The following ASL variants were observed in gnomAD, a reference collection of about 807,000 sequenced individuals.
ASL encodes argininosuccinase.
ASL carries 51 observed loss-of-function variants against 69.1 expected under a neutral mutation model. The ratio of observed to expected loss-of-function variants is 0.74; its 90% confidence interval spans 0.59 to 0.93. The LOEUF is 0.93. Among genes scored for constraint, ASL ranks in the 40% least tolerant of loss-of-function variants. ASL has a pLI of 0.00. For synonymous variants in ASL, 241 were observed against 247.6 expected (o/e 0.97, Z 0.25); for missense variants, 540 against 623.9 (o/e 0.87, Z 1.43).
intron 9 of ASL, 117 bp downstream of exon 9, chr7:66,087,503 A>G (rs991968140): frequency 4.5e-6 from 6 of 1,329,790 alleles, no homozygotes; most frequent in Middle Eastern, 1.8e-4. Flanking sequence ...ACCTTCATTC[A>G]TTGCCTATGG....
chr7:66,089,413 G>A (rs1786777175), intron 13 of ASL, 78 bp downstream of exon 13: 14 of 1,535,660 alleles, frequency 9.1e-6, no homozygotes, highest in East Asian at 2.4e-5. Context: ...CCCCACCCCG[G>A]GATTGCCATA....
chr7:66,078,222 T>A (rs1335317300), intron 2 of ASL, among the ~76,000 whole-genome samples: 1 of 152,152 alleles, frequency 6.6e-6, no homozygotes, highest in Non-Finnish European at 1.5e-5. Context: ...CAATTCTGAC[T>A]GGCTGGCTCC....
chr7:66,078,376 G>T (rs1369349705), intron 2 of ASL, among the ~76,000 whole-genome samples: 3 of 152,110 alleles, frequency 2.0e-5, no homozygotes, highest in African/African-American at 7.2e-5. Context: ...TGGCAGTCGG[G>T]ACTGTTGGGC....
At chr7:66,086,937 G>T in intron 8 of ASL, 116 bp downstream of exon 8, 1 of 1,250,138 alleles carries the variant, frequency 8.0e-7, no homozygotes, top group Non-Finnish European at 1.1e-6. Flanking sequence ...TCTGCTCAGC[G>T]GGGGACTCTG....
Position 66,092,933 on chromosome 7 carries a change from T to C in ASL, c.*21T>C. The C allele has an allele frequency of 1.3e-6, 2 of 1,599,080 alleles. No individual in the cohort carries two copies. Among genetic ancestry groups the C allele is most frequent in the Non-Finnish European group, 1.7e-6 (2 of 1,178,130 alleles). On this transcript the variant is annotated 3_prime_UTR_variant, in exon 17 of 17. Transcript: ENST00000304874. ...CCTAGGTCCTCCCACACCTGCCCCC[T>C]AATAAAGTGGGCGCGAGAGGAGGCT...
At chr7:66,091,918 A>T (rs1271925808) in intron 14 of ASL, 88 bp from the exon 15 acceptor site, 5 of 1,350,720 alleles carry the variant, frequency 3.7e-6, no homozygotes, top group Non-Finnish European at 5.3e-6. Context: ...CAAGGCAGGG[A>T]TGTCCTGGCA....
At chr7:66,085,435 G>A (rs1163661307) in intron 6 of ASL, among the ~76,000 whole-genome samples, 6 of 151,820 alleles carry the variant, frequency 4.0e-5, no homozygotes, top group Non-Finnish European at 1.5e-5. Flanking sequence ...TCACGCCACT[G>A]CATTCCAGCC....
rs1427971700 is a variant in ASL at position 66,087,752 on chromosome 7, C to G, written c.679C>G (p.Leu227Val). 6.2e-7 allele frequency: 1 copy of G among 1,614,160 alleles called. No individual in the cohort carries two copies. Among genetic ancestry groups the G allele is most frequent in the South Asian group, 1.1e-5 (1 of 91,088 alleles). The change falls in exon 10 of 17, where the codon CTC (leucine) becomes GTC (valine). Residue 227 changes from leucine to valine, a missense_variant. Leu to Val is a conservative substitution (Grantham distance 32, BLOSUM62 1). Transcript: ENST00000304874. Reference sequence around the variant, plus strand: ...AGAACTCAACTTTGGGGCCATCACTCTCAACAGCATGGATGCCACTAGTGA... The same window carrying G: ...AGAACTCAACTTTGGGGCCATCACTGTCAACAGCATGGATGCCACTAGTGA... ...RAELNFGAIT[L>V]NSMDATSERD... is the part of the protein sequence containing the mutation.
rs1405344068 is a variant in ASL at position 66,088,828 on chromosome 7, C to T, written c.740C>T (p.Ser247Leu). Residue 247 changes from serine (S) to leucine (L), a missense_variant, in exon 11 of 17, where the codon TCG (serine) becomes TTG (leucine). Transcript: ENST00000304874. ...DFVAEFLFWA[S>L]LCMTHLSRMA... ...CCAGCCGAGTTCCTGTTCTGGGCTT[C>T]GCTGTGCATGACCCATCTCAGCAGG... is the stretch of plus-strand genomic sequence containing the variant. 18 of 1,613,670 alleles carry T rather than the reference C, an allele frequency of 1.1e-5. No homozygotes were observed. Among genetic ancestry groups the T allele is most frequent in the Non-Finnish European group, 1.4e-5 (16 of 1,179,940 alleles).
At chr7:66,075,916 C>T in intron 1 of ASL, 60 bp downstream of exon 1, 2 of 820,366 alleles carry the variant, frequency 2.4e-6, no homozygotes, top group East Asian at 2.8e-5. Context: ...CACCGTGGCG[C>T]GCGCTCACGT....
At position 66,089,808 on chromosome 7, in the gene ASL, G is replaced by A. The variant is rs571265756; in HGVS notation, c.1062+113G>A. 3.5e-5 allele frequency: 41 copies of A among 1,162,794 alleles called. No individual in the cohort carries two copies. The Admixed American group carries it at 6.3e-4, about 18-fold the overall frequency. The allele number at this position is 1,162,794 out of a possible 1,614,324, so 72.0% of individuals were successfully genotyped here. On this transcript the variant is annotated intron_variant, in intron 14 of 16. Transcript: ENST00000304874. Reference sequence around the variant, plus strand: ...GTGGGGCTGGAGGACCTGGGGCAGGGAAGGAGAGGTGTGCTCGCTCCTGCT... The same window carrying A: ...GTGGGGCTGGAGGACCTGGGGCAGGAAAGGAGAGGTGTGCTCGCTCCTGCT...
rs192657908 is a variant in ASL at position 66,081,308 on chromosome 7, A to C, written c.13-495A>C. ...GAACCCCAACTTCAAGGCCACACAC[A>C]GTGGCTCATGCCTGTAATCCTAGCA... On this transcript the variant is annotated intron_variant, in intron 2 of 16. Coordinates refer to ENST00000304874, the MANE Select transcript of ASL (RefSeq NM_000048.4). Among the ~76,000 whole-genome samples, 35 of 152,246 alleles carry C rather than the reference A, an allele frequency of 2.3e-4. 1 individual carries two copies. The Middle Eastern group carries it at 0.014, about 59-fold the overall frequency.
intron 2 of ASL, among the ~76,000 whole-genome samples, chr7:66,078,085 C>G (rs754955842): frequency 8.5e-5 from 13 of 152,222 alleles, no homozygotes; most frequent in Non-Finnish European, 1.3e-4. Context: ...TAGGTTGGCA[C>G]TAATTGGTTT....
chr7:66,083,185 C>T lies in ASL; in HGVS notation c.446+11C>T, dbSNP rs770785475. 2 of 1,610,920 alleles carry T rather than the reference C, an allele frequency of 1.2e-6. No individual in the cohort carries two copies. The highest frequency in any genetic ancestry group is 1.7e-6 in the Non-Finnish European group (2 of 1,179,316). On this transcript the variant is annotated intron_variant, in intron 6 of 16. Coordinates refer to ENST00000304874, the MANE Select transcript of ASL (RefSeq NM_000048.4). Reference sequence around the variant, plus strand: ...GGATCGGGCAGAGGCGTGAGTCCTACAGGGACACCCAGGGGGCAGACAGAG... The same window carrying T: ...GGATCGGGCAGAGGCGTGAGTCCTATAGGGACACCCAGGGGGCAGACAGAG...
At chr7:66,083,247 G>A in intron 6 of ASL, 73 bp downstream of exon 6, 1 of 1,524,882 alleles carries the variant, frequency 6.6e-7, no homozygotes, top group Non-Finnish European at 9.0e-7. Flanking sequence ...CTAGGGGGCA[G>A]GGGTGAACAG....
chr7:66,091,832 A>C, intron 14 of ASL, 174 bp from the exon 15 acceptor site: 2 of 694,874 alleles, frequency 2.9e-6, no homozygotes, highest in Admixed American at 2.1e-5. Flanking sequence ...AGCACATGTA[A>C]ATATTATCGA....
At chr7:66,076,681 G>A (rs1786354851) in intron 2 of ASL, among the ~76,000 whole-genome samples, 1 of 152,170 alleles carries the variant, frequency 6.6e-6, no homozygotes, top group Non-Finnish European at 1.5e-5. Flanking sequence ...TGACCACTGA[G>A]ATGCTGGATT....
intron 6 of ASL, among the ~76,000 whole-genome samples, chr7:66,085,208 G>C (rs1325392998): frequency 6.6e-6 from 1 of 152,192 alleles, no homozygotes; most frequent in Non-Finnish European, 1.5e-5. Context: ...CAGGTGCTGT[G>C]GCTCACGCCT....
intron 13 of ASL, 57 bp from the exon 14 acceptor site, chr7:66,089,555 G>T: frequency 6.3e-7 from 1 of 1,590,386 alleles, no homozygotes; most frequent in South Asian, 1.1e-5. Context: ...TGGGGCTGTG[G>T]GGACCCTGGG....
Sources: allele counts gnomAD v4.1 joint callset (sites outside exome capture counted in the v4.1 genomes callset), GRCh38; gene constraint gnomAD v4.1.1; transcripts MANE v1.5; gene names NCBI Gene and HGNC (gene_info 2026-07-23, HGNC 2026-07-21).